The following PGM5 variants were observed in gnomAD, a reference collection of about 807,000 sequenced individuals.
PGM5 encodes phosphoglucomutase-like protein 5.
In PGM5, 23 loss-of-function variants were observed where a neutral mutation model predicts 59.2. The ratio of observed to expected loss-of-function variants is 0.39; its 90% CI spans 0.28 to 0.55. PGM5 has a LOEUF of 0.55. PGM5 is among the 20% of genes least tolerant of loss of function. The probability of loss-of-function intolerance (pLI) is 0.66; values close to 1 mark genes in which losing one functional copy is unlikely to be tolerated. For synonymous variants in PGM5, 214 were observed against 286.0 expected (o/e 0.75, Z 2.54); for missense variants, 574 against 748.3 (o/e 0.77, Z 2.72).
intron 2 of PGM5, among the ~76,000 whole-genome samples, chr9:68,380,789 G>A (rs563435508): frequency 3.3e-5 from 5 of 151,872 alleles, no homozygotes; most frequent in Non-Finnish European, 7.4e-5. Context: ...ATGGTCATAA[G>A]GGATTATTAT....
intron 10 of PGM5, among the ~76,000 whole-genome samples, chr9:68,515,225 T>A (rs1431853754): frequency 6.6e-6 from 1 of 152,242 alleles, no homozygotes; most frequent in Non-Finnish European, 1.5e-5. Context: ...CAAACTGCAT[T>A]CATAAAGTGT....
intron 10 of PGM5, among the ~76,000 whole-genome samples, chr9:68,523,315 G>A (rs1376729612): frequency 1.3e-5 from 2 of 152,140 alleles, no homozygotes; most frequent in Non-Finnish European, 2.9e-5. Flanking sequence ...TGGACCAACA[G>A]CATCCTGGGA....
intron 3 of PGM5, among the ~76,000 whole-genome samples, chr9:68,386,447 A>G (rs531574106): frequency 6.6e-6 from 1 of 152,320 alleles, no homozygotes; most frequent in African/African-American, 2.4e-5. Context: ...ATATTTTTAG[A>G]TATGTATTTG....
chr9:68,424,990 A>G (rs1823210161), intron 6 of PGM5, among the ~76,000 whole-genome samples: 1 of 152,176 alleles, frequency 6.6e-6, no homozygotes, highest in Non-Finnish European at 1.5e-5. Context: ...TTCTACTAAG[A>G]CAAATTTGGT....
intron 6 of PGM5, among the ~76,000 whole-genome samples, chr9:68,421,903 A>C (rs1823136985): frequency 6.6e-6 from 1 of 152,056 alleles, no homozygotes; most frequent in Non-Finnish European, 1.5e-5. Context: ...AGATATGTCT[A>C]AAAAATGTGA....
chr9:68,511,266 T>C (rs1295146411), intron 10 of PGM5, among the ~76,000 whole-genome samples: 1 of 152,214 alleles, frequency 6.6e-6, no homozygotes, highest in African/African-American at 2.4e-5. Context: ...AGGTTGGAAT[T>C]TGGTATCTTA....
At chr9:68,521,799 C>T (rs1824903238) in intron 10 of PGM5, among the ~76,000 whole-genome samples, 2 of 152,304 alleles carry the variant, frequency 1.3e-5, no homozygotes, top group South Asian at 2.1e-4. Context: ...TTTAAACTGA[C>T]AACTCTTGCA....
chr9:68,478,203 G>C (rs1340810537), intron 7 of PGM5, among the ~76,000 whole-genome samples: 3 of 152,126 alleles, frequency 2.0e-5, no homozygotes, highest in African/African-American at 7.2e-5. Context: ...CACTCTTCTG[G>C]GTTCTCATTG....
intron 10 of PGM5, among the ~76,000 whole-genome samples, chr9:68,511,389 G>C (rs1336023888): frequency 2.0e-5 from 3 of 152,090 alleles, no homozygotes; most frequent in African/African-American, 7.2e-5. Context: ...GTTATGGCCT[G>C]AACTAGTTTT....
At chr9:68,434,721 G>A (rs1166749086) in intron 6 of PGM5, among the ~76,000 whole-genome samples, 8 of 151,956 alleles carry the variant, frequency 5.3e-5, no homozygotes, top group South Asian at 2.1e-4. Context: ...CAGAAGAATC[G>A]CTTGAACCTG....
intron 9 of PGM5, among the ~76,000 whole-genome samples, chr9:68,484,987 T>C (rs1469990134): frequency 6.6e-6 from 1 of 152,186 alleles, no homozygotes; most frequent in African/African-American, 2.4e-5. Context: ...CCTTTTAAAG[T>C]ATCCTTGGGA....
intron 6 of PGM5, among the ~76,000 whole-genome samples, chr9:68,433,150 T>C (rs1823382761): frequency 6.6e-6 from 1 of 152,246 alleles, no homozygotes; most frequent in Non-Finnish European, 1.5e-5. Context: ...TTTTAATTGC[T>C]GATGCTACAA....
At chr9:68,444,650 AGAG>A (rs1410602053) in intron 6 of PGM5, among the ~76,000 whole-genome samples, 1 of 152,214 alleles carries the variant, frequency 6.6e-6, no homozygotes, top group Non-Finnish European at 1.5e-5. Flanking sequence ...TGGCCAGGCA[AGAG>A]GAGATCACCT....
intron 6 of PGM5, chr9:68,405,479 G>A (rs1244585492): frequency 6.6e-6 from 1 of 152,380 alleles, no homozygotes; most frequent in Non-Finnish European, 1.5e-5. Flanking sequence ...CAAATAGTCT[G>A]AGACTCACTA....
At chr9:68,361,082 C>G (rs1160300940) in intron 1 of PGM5, among the ~76,000 whole-genome samples, 2 of 152,116 alleles carry the variant, frequency 1.3e-5, no homozygotes, top group Non-Finnish European at 2.9e-5. Flanking sequence ...CCATGCCCAG[C>G]TAATTTATTG....
intron 6 of PGM5, among the ~76,000 whole-genome samples, chr9:68,439,028 T>C (rs1823484948): frequency 6.6e-6 from 1 of 152,156 alleles, no homozygotes; most frequent in African/African-American, 2.4e-5. Flanking sequence ...CTGTTGCCTC[T>C]TTTTTCTTCT....
At chr9:68,426,175 G>A (rs573990126) in intron 6 of PGM5, among the ~76,000 whole-genome samples, 4 of 152,038 alleles carry the variant, frequency 2.6e-5, no homozygotes, top group African/African-American at 7.2e-5. Flanking sequence ...GGAATTTGGG[G>A]TGAGATGTCT....
intron 6 of PGM5, among the ~76,000 whole-genome samples, chr9:68,458,524 T>C (rs1479620422): frequency 6.6e-6 from 1 of 152,224 alleles, no homozygotes; most frequent in Admixed American, 6.5e-5. Flanking sequence ...AAGTGAAATG[T>C]CCAGTACTAA....
chr9:68,426,919 T>G (rs781860866), intron 6 of PGM5: 30 of 152,346 alleles, frequency 2.0e-4, no homozygotes, highest in Non-Finnish European at 3.2e-4. Flanking sequence ...GCCTTAATCA[T>G]GTTGGCATCC....
Sources: gnomAD v4.1 joint callset for allele counts (sites outside exome capture counted in the v4.1 genomes callset) on GRCh38, gnomAD v4.1.1 for gene constraint, MANE v1.5 for transcripts, NCBI Gene and HGNC (gene_info 2026-07-23, HGNC 2026-07-21) for gene names.